MFSD2A: variants seen among roughly 807,000 people sequenced by gnomAD.
MFSD2A encodes the protein sodium-dependent lysophosphatidylcholine symporter 1.
In MFSD2A, 27 loss-of-function variants were observed where a neutral mutation model predicts 64.7. That is an observed-to-expected ratio of 0.42 (90% CI 0.31 to 0.58). The LOEUF is 0.58. MFSD2A is among the 20% of genes least tolerant of loss of function. MFSD2A has a pLI of 0.18. For synonymous variants in MFSD2A, 258 were observed against 273.4 expected (o/e 0.94, Z 0.55); for missense variants, 474 against 679.5 (o/e 0.70, Z 3.36).
chr1:39,957,683 C>A (rs776763894), intron 2 of MFSD2A: 13 of 157,296 alleles, frequency 8.3e-5, no homozygotes, highest in Non-Finnish European at 1.1e-4. Flanking sequence ...TAGAATGCCC[C>A]AGTACACAGG....
At chr1:39,959,406 C>T (rs12737009) in intron 3 of MFSD2A, among the ~76,000 whole-genome samples, 42,492 of 151,720 alleles carry the variant, frequency 0.28, 6,669 homozygotes, top group East Asian at 0.5. Context: ...TGCCACCACA[C>T]CTGGCTAATC....
intron 3 of MFSD2A, chr1:39,962,763 A>G: frequency 1.1e-6 from 1 of 949,164 alleles, no homozygotes. Flanking sequence ...GGTGAAGGAC[A>G]TGAAGATCAA....
intron 2 of MFSD2A, among the ~76,000 whole-genome samples, chr1:39,957,468 G>A (rs2124756562): frequency 6.6e-6 from 1 of 152,360 alleles, no homozygotes; most frequent in South Asian, 2.1e-4. Context: ...ATGAGCAACA[G>A]AGCCTGAAGG....
In MFSD2A at chr1:39,966,925, C is replaced by T; in HGVS notation, c.920C>T (p.Ala307Val). 6.2e-7 allele frequency: 1 copy of T among 1,613,300 alleles called. No homozygotes were observed. The highest frequency in any genetic ancestry group is 8.5e-7 in the Non-Finnish European group (1 of 1,180,032). The change falls in exon 8 of 14, where the codon GCT becomes GTT. Residue 307 changes from alanine (A) to valine (V), a missense_variant. Physicochemically the swap from Ala to Val is moderately conservative, Grantham distance 64. Transcript: ENST00000372811. ...LITGFLFTSLAFMLVEGNFVL... is the reference protein window; with the variant it reads ...LITGFLFTSLVFMLVEGNFVL... ...ACTGGCTTCCTCTTCACCTCCTTGG[C>T]TTTCATGGTGAGTGGGTTCTGACAT... is the stretch of plus-strand genomic sequence containing the variant.
rs776117816 is a variant in MFSD2A, at chr1:39,957,214, T to A, written c.221T>A (p.Val74Glu). The A allele has an allele frequency of 6.3e-7, 1 of 1,592,646 alleles. No homozygotes were observed. Among genetic ancestry groups the A allele is most frequent in the Non-Finnish European group, 8.6e-7 (1 of 1,168,900 alleles). Residue 74 changes from valine (V) to glutamate (E), a missense_variant, in exon 2 of 14, where the codon GTG becomes GAG. Physicochemically the swap from Val to Glu is moderately radical, Grantham distance 121 (BLOSUM62 -2). Transcript: ENST00000372811. Reference protein sequence around the residue: ...GFFLQIYLLDVAQVGPFSASI... With the variant: ...GFFLQIYLLDEAQVGPFSASI... ...TTCCTTCAGATCTACCTATTGGATGTGGCTCAGGTGAGTGGTCTAAGCCTT... is the reference window on the plus strand; with the variant it reads ...TTCCTTCAGATCTACCTATTGGATGAGGCTCAGGTGAGTGGTCTAAGCCTT...
chr1:39,969,458 G>A (rs1280721764), intron 13 of MFSD2A, 47 bp from the exon 14 acceptor site: 3 of 1,543,780 alleles, frequency 1.9e-6, no homozygotes, highest in African/African-American at 1.4e-5. Flanking sequence ...GCTGAGGAGG[G>A]GTAAGGATGG....
At chr1:39,969,454 G>C in intron 13 of MFSD2A, 51 bp from the exon 14 acceptor site, 2 of 1,522,390 alleles carry the variant, frequency 1.3e-6, no homozygotes, top group Non-Finnish European at 1.8e-6. Context: ...TGGGGCTGAG[G>C]AGGGGTAAGG....
rs1403639907 is a variant in MFSD2A, at chr1:39,958,794, C to T, written c.322C>T (p.Pro108Ser). The part of the protein sequence containing the change: ...PLVGLCISKS[P>S]WTCLGRLMPW... ...GGTGGGCCTCTGCATCAGCAAATCC[C>T]CCTGGACCTGCCTGGGTCGCCTTAT... is the stretch of plus-strand genomic sequence containing the variant. The change falls in exon 3 of 14, where the codon CCC becomes TCC. Residue 108 changes from proline (P) to serine (S), a missense_variant. Physicochemically the swap from Pro to Ser is moderately conservative, Grantham distance 74. Transcript: ENST00000372811. The surrounding 1 kb of genome is among the most constrained non-coding windows in gnomAD (Gnocchi z 4.7). 1.2e-6 allele frequency: 2 copies of T among 1,613,456 alleles called. No homozygotes were observed. Among genetic ancestry groups the T allele is most frequent in the African/African-American group, 1.3e-5 (1 of 75,026 alleles).
chr1:39,962,548 T>C (rs2124768115), intron 3 of MFSD2A: 1 of 592,012 alleles, frequency 1.7e-6, no homozygotes, highest in East Asian at 2.9e-5. Context: ...AAACACCAAA[T>C]GGCGGATGAC....
At chr1:39,962,710 C>T in intron 3 of MFSD2A, 2 of 789,526 alleles carry the variant, frequency 2.5e-6, no homozygotes, top group East Asian at 2.6e-5. Flanking sequence ...TGAGGCAAGG[C>T]CGAGGATAAG....
At position 39,966,812 on chromosome 1, in the gene MFSD2A, A is replaced by G. The variant is rs1645171850; in HGVS notation, c.807A>G (p.Glu269=). 3 of 1,613,980 alleles carry G rather than the reference A, an allele frequency of 1.9e-6. No individual in the cohort carries two copies. The highest frequency in any genetic ancestry group is 1.7e-6 in the Non-Finnish European group (2 of 1,179,970). Residue 269 remains glutamate, a splice_region_variant and synonymous_variant, in exon 8 of 14, where the codon GAA becomes GAG. Transcript: ENST00000372811. ...CTCACTGTCCGCTCTGGCCCCCAGA[A>G]CCCTATGAAGCCCAGCAGTCTGAGC... ...ILILGVREQR[E]PYEAQQSEPI...
chr1:39,960,263 A>T lies in MFSD2A; in HGVS notation c.353+1438A>T, dbSNP rs78210404. On this transcript the variant is annotated intron_variant, in intron 3 of 13. Transcript: ENST00000372811. This position sits in a 1 kb window ranked among gnomAD's most constrained non-coding sequence, Gnocchi z 4.8. ...GGCATACCCCTTTCATCTCCAGCCCATCCAGGCTTAAGTGGGCGCCTTCCT... is the reference window on the plus strand; with the variant it reads ...GGCATACCCCTTTCATCTCCAGCCCTTCCAGGCTTAAGTGGGCGCCTTCCT... Among the ~76,000 whole-genome samples, 3,913 of 152,292 alleles carry T rather than the reference A, an allele frequency of 0.026. 185 individuals are homozygous for T. The highest frequency in any genetic ancestry group is 0.089 in the African/African-American group (3,719 of 41,572).
intron 3 of MFSD2A, among the ~76,000 whole-genome samples, chr1:39,959,165 A>G (rs967978045): frequency 6.6e-6 from 1 of 151,724 alleles, no homozygotes; most frequent in Non-Finnish European, 1.5e-5. Flanking sequence ...AGAGTGGTTA[A>G]GCAGTTGTAC....
At chr1:39,962,619 T>C (rs115425943) in intron 3 of MFSD2A, 21,442 of 819,514 alleles carry the variant, frequency 0.026, 375 homozygotes, top group South Asian at 0.037. Flanking sequence ...CTCTGGTGCC[T>C]TCCGCGGAGG....
Position 39,969,902 on chromosome 1 carries a change from A to G in MFSD2A, c.*334A>G. On this transcript the variant is annotated 3_prime_UTR_variant, in exon 14 of 14. Transcript: ENST00000372811. ...ACTGTGTACATAGCAATGTGTGTGT[A>G]TGTATATGTCTGTGAGCTATTAATG... The G allele has an allele frequency of 3.0e-6, 1 of 338,656 alleles. No individual in the cohort carries two copies. Among genetic ancestry groups the G allele is most frequent in the South Asian group, 4.6e-5 (1 of 21,866 alleles). 21.0% of individuals were successfully genotyped at this position (338,656 alleles called of 1,614,324 possible).
rs1645167504 is a variant in MFSD2A, at chr1:39,966,640, A to G, written c.754A>G (p.Ile252Val). 1.9e-6 allele frequency: 3 copies of G among 1,613,806 alleles called. No homozygotes were observed. The highest frequency in any genetic ancestry group is 1.1e-5 in the South Asian group (1 of 91,048). The stretch of plus-strand genomic sequence containing the variant: ...GCTGGCAGCGGGGGTCATTGTCTGT[A>G]TCTATATAATCTGTGCTGTCATCCT... ...YLLAAGVIVCIYIICAVILIL... is the reference protein window; with the variant it reads ...YLLAAGVIVCVYIICAVILIL... Residue 252 changes from isoleucine to valine, a missense_variant, in exon 7 of 14, where the codon ATC becomes GTC. Ile to Val is a conservative substitution (Grantham distance 29). Coordinates refer to ENST00000372811, the MANE Select transcript of MFSD2A (RefSeq NM_032793.5).
rs1645195733 is a variant in MFSD2A, at chr1:39,967,799, C to G, written c.1096-5C>G. The G allele has an allele frequency of 3.7e-6, 6 of 1,612,036 alleles. No homozygotes were observed. Among genetic ancestry groups the G allele is most frequent in the Non-Finnish European group, 5.1e-6 (6 of 1,178,164 alleles). The stretch of plus-strand genomic sequence containing the variant: ...TGATTCATCTTCCTGCACCCCCTTC[C>G]CTAGTCAGCAGTGCCATTTCTCATC... On this transcript the variant is annotated splice_polypyrimidine_tract_variant and splice_region_variant and intron_variant, in intron 10 of 13. Coordinates refer to ENST00000372811, the MANE Select transcript of MFSD2A (RefSeq NM_032793.5).
intron 3 of MFSD2A, among the ~76,000 whole-genome samples, chr1:39,959,604 A>T (rs544543492): frequency 5.2e-4 from 79 of 152,008 alleles, no homozygotes; most frequent in African/African-American, 1.8e-3. Flanking sequence ...GTCACTTCAC[A>T]TCTCTGAGTC....
In MFSD2A at chr1:39,967,850, T is replaced by A; in HGVS notation, c.1142T>A (p.Leu381His). 1 of 1,613,968 alleles carries A rather than the reference T, an allele frequency of 6.2e-7. No homozygotes were observed. Among genetic ancestry groups the A allele is most frequent in the Non-Finnish European group, 8.5e-7 (1 of 1,179,906 alleles). The change falls in exon 11 of 14, where the codon CTC becomes CAC. Residue 381 changes from leucine to histidine, a missense_variant. By Grantham distance (99) the Leu-to-His change is moderately conservative. Transcript: ENST00000372811. The part of the protein sequence containing the change: ...LILVALMESN[L>H]IITYAVAVAA... The stretch of plus-strand genomic sequence containing the variant: ...TTGGTGGCCCTCATGGAGAGTAACC[T>A]CATCATTACATATGCGGTAGCTGTG...
Sources: gnomAD v4.1 joint callset for allele counts (sites outside exome capture counted in the v4.1 genomes callset) on GRCh38, gnomAD v4.1.1 for gene constraint, Gnocchi (gnomAD v3.1) non-coding constraint, MANE v1.5 for transcripts, NCBI Gene and HGNC (gene_info 2026-07-23, HGNC 2026-07-21) for gene names.